The following CELSR1 variants were observed in gnomAD, a reference collection of about 807,000 sequenced individuals.
The protein encoded by CELSR1 is cadherin EGF LAG seven-pass G-type receptor 1, also known as adhesion G protein-coupled receptor C1.
Under a neutral mutation model 249.1 loss-of-function variants are expected in CELSR1, and 110 were observed. The observed-to-expected ratio is 0.44, with a 90% CI of 0.38 to 0.52. CELSR1 has a LOEUF of 0.52. Ranked by LOEUF, CELSR1 falls within the 20% of genes least tolerant of loss-of-function variation. The pLI, the probability that CELSR1 is intolerant of heterozygous loss-of-function variation, is 0.00. For missense variants in CELSR1, 4,109 were observed against 4,296.4 expected (o/e 0.96, Z 1.22); for synonymous variants, 2,113 against 1,900.0 (o/e 1.11, Z -2.92).
intron 5 of CELSR1, among the ~76,000 whole-genome samples, chr22:46,418,983 A>G (rs1167824311): frequency 6.6e-6 from 1 of 152,186 alleles, no homozygotes; most frequent in Non-Finnish European, 1.5e-5. Context: ...CACTGGACGG[A>G]GATAAGCTCC....
intron 2 of CELSR1, among the ~76,000 whole-genome samples, chr22:46,461,414 T>C (rs779339476): frequency 1.2e-4 from 19 of 152,168 alleles, no homozygotes; most frequent in Non-Finnish European, 2.2e-4. Flanking sequence ...GGGTCAATCA[T>C]CTTCAGAGGG....
intron 29 of CELSR1, 60 bp from the exon 30 acceptor site, chr22:46,366,540 G>T (rs1432596040): frequency 2.3e-6 from 3 of 1,328,924 alleles, no homozygotes; most frequent in African/African-American, 2.9e-5. Context: ...ACCACCACGG[G>T]GAATGACTCT....
chr22:46,494,035 A>G (rs1322733891), intron 1 of CELSR1, among the ~76,000 whole-genome samples: 1 of 152,222 alleles, frequency 6.6e-6, no homozygotes, highest in Non-Finnish European at 1.5e-5. Flanking sequence ...AATGAAACAG[A>G]TTCAGAAAAA....
At position 46,398,664 on chromosome 22, in the gene CELSR1, T is replaced by C. The variant is rs192389975; in HGVS notation, c.5413-27A>G. 2.4e-5 allele frequency: 38 copies of C among 1,564,114 alleles called. No homozygotes were observed. The highest frequency in any genetic ancestry group is 2.4e-4 in the South Asian group (21 of 87,002). On this transcript the variant is annotated intron_variant, in intron 10 of 34. Transcript: ENST00000674500. This position sits in a 1 kb window ranked among gnomAD's most constrained non-coding sequence, Gnocchi z 7.2. Reference sequence around the variant, plus strand: ...TGTGCGGAGAGAGGGGCCGGGGATCTGGGGGCTGCATCCACCATCCTAGAA... The same window carrying C: ...TGTGCGGAGAGAGGGGCCGGGGATCCGGGGGCTGCATCCACCATCCTAGAA...
In CELSR1 at chr22:46,488,084, A is replaced by G. The variant is rs924998010; in HGVS notation, c.3545-23739T>C. ...GGGGCGTGAGGGAGGGGTGTCAAGT[A>G]CCAGTGGAGGCACGGGGAGGGGTCC... On this transcript the variant is annotated intron_variant, in intron 1 of 34. Transcript: ENST00000674500. This position sits in a 1 kb window ranked among gnomAD's most constrained non-coding sequence, Gnocchi z 4.7. 6.6e-6 allele frequency among the ~76,000 whole-genome samples: 1 copy of G among 151,012 alleles called. No homozygotes were observed. Among genetic ancestry groups the G allele is most frequent in the Non-Finnish European group, 1.5e-5 (1 of 67,690 alleles).
chr22:46,537,203 A>G lies in CELSR1; in HGVS notation c.-33T>C. The G allele has an allele frequency of 9.8e-7, 1 of 1,015,398 alleles. No homozygotes were observed. The allele number at this position is 1,015,398 out of a possible 1,614,324, so 62.9% of individuals were successfully genotyped here. On this transcript the variant is annotated 5_prime_UTR_variant, in exon 1 of 35. Transcript: ENST00000674500. This position sits in a 1 kb window ranked among gnomAD's most constrained non-coding sequence, Gnocchi z 5.8. ...AGCCCGAGCCCGAGCCGGGCGCCCG[A>G]ACACAATCCATGCACCCGGCGCGCC... is the stretch of plus-strand genomic sequence containing the variant.
chr22:46,394,569 C>T (rs1344802334), intron 13 of CELSR1, among the ~76,000 whole-genome samples: 1 of 152,248 alleles, frequency 6.6e-6, no homozygotes, highest in Non-Finnish European at 1.5e-5. Context: ...GCAAGGCTGG[C>T]CTTTCACGAT....
At chr22:46,386,775 C>T (rs767780042) in intron 18 of CELSR1, among the ~76,000 whole-genome samples, 190 bp from the exon 19 acceptor site, 2 of 151,838 alleles carry the variant, frequency 1.3e-5, no homozygotes, top group Non-Finnish European at 2.9e-5. Flanking sequence ...TTTTTTGAGA[C>T]ACACTTCCGC....
intron 27 of CELSR1, among the ~76,000 whole-genome samples, chr22:46,368,583 C>G (rs2078814377): frequency 6.6e-6 from 1 of 151,596 alleles, no homozygotes; most frequent in Non-Finnish European, 1.5e-5. Context: ...ATCTCAGCTA[C>G]CAGGTCACCA....
At chr22:46,474,617 TATACA>T (rs1172274722) in intron 1 of CELSR1, among the ~76,000 whole-genome samples, 2 of 152,128 alleles carry the variant, frequency 1.3e-5, no homozygotes, top group African/African-American at 2.4e-5. Flanking sequence ...TATTTTGAAA[TATACA>T]ATACAATATT....
Position 46,535,272 on chromosome 22 carries a change from G to C in CELSR1, c.1899C>G (p.His633Gln), listed in dbSNP as rs771699386. The change falls in exon 1 of 35, where the codon CAC (histidine) becomes CAG (glutamine). Residue 633 changes from histidine (H) to glutamine (Q), a missense_variant. This residue lies in a region of CELSR1 where 886 missense variants were observed against 896.5 expected (regional missense o/e 0.99). Coordinates refer to ENST00000674500, the MANE Select transcript of CELSR1 (RefSeq NM_001378328.1). ...APTPDFPFQI[H>Q]NSSGWITVCA... Reference sequence around the variant, plus strand: ...ACACTGTGATCCAACCGGAGCTGTTGTGGATCTGGAAGGGGAAGTCAGGGG... The same window carrying C: ...ACACTGTGATCCAACCGGAGCTGTTCTGGATCTGGAAGGGGAAGTCAGGGG... The C allele has an allele frequency of 1.9e-6, 3 of 1,610,500 alleles. No homozygotes were observed. The highest frequency in any genetic ancestry group is 2.5e-6 in the Non-Finnish European group (3 of 1,180,012).
rs2078715160 is a variant in CELSR1 at position 46,362,442 on chromosome 22, G to C, written c.*781C>G. The C allele has an allele frequency of 6.6e-6, 1 of 152,572 alleles. No homozygotes were observed. Among genetic ancestry groups the C allele is most frequent in the South Asian group, 2.1e-4 (1 of 4,834 alleles). The allele number at this position is 152,572 out of a possible 1,614,324, so 9.5% of individuals were successfully genotyped here. On this transcript the variant is annotated 3_prime_UTR_variant, in exon 35 of 35. Transcript: ENST00000674500. ...TGGGGACCCAGGGGGCCGGCGGGGA[G>C]GGCCCACACCATCCTCACTTCCTGG... is the stretch of plus-strand genomic sequence containing the variant.
Position 46,408,310 on chromosome 22 carries a change from C to T in CELSR1, c.5226+686G>A, listed in dbSNP as rs552640770. On this transcript the variant is annotated intron_variant, in intron 9 of 34. Coordinates refer to ENST00000674500, the MANE Select transcript of CELSR1 (RefSeq NM_001378328.1). This position sits in a 1 kb window ranked among gnomAD's most constrained non-coding sequence, Gnocchi z 4.6. ...ATCTCAAGCTCCCAGAGAAAGTGGA[C>T]GTGCATTGGTGCCAACCACCACCTG... is the stretch of plus-strand genomic sequence containing the variant. Among the ~76,000 whole-genome samples, 10 of 152,294 alleles carry T rather than the reference C, an allele frequency of 6.6e-5. No homozygotes were observed. The highest frequency in any genetic ancestry group is 1.9e-4 in the African/African-American group (8 of 41,572).
chr22:46,368,968 C>T (rs1434816329), intron 27 of CELSR1, among the ~76,000 whole-genome samples: 1 of 151,048 alleles, frequency 6.6e-6, no homozygotes, highest in Non-Finnish European at 1.5e-5. Context: ...CAGCTAACCT[C>T]CTCCAGCCCC....
chr22:46,390,176 G>A lies in CELSR1; in HGVS notation c.6345+216C>T, dbSNP rs374618182. On this transcript the variant is annotated intron_variant, in intron 17 of 34. Transcript: ENST00000674500. This position sits in a 1 kb window ranked among gnomAD's most constrained non-coding sequence, Gnocchi z 6.3. ...ACACAGAGCTGGGTCCTCTGGGGGA[G>A]AGAAGTCCACGTGGGGGTGCCTGGC... Among the ~76,000 whole-genome samples, 2,266 of 152,278 alleles carry A rather than the reference G, an allele frequency of 0.015. 54 individuals carry two copies. The highest frequency in any genetic ancestry group is 0.051 in the African/African-American group (2,132 of 41,552).
At chr22:46,460,178 A>AACACACACACACACAC (rs544352270) in intron 2 of CELSR1, among the ~76,000 whole-genome samples, 4 of 102,944 alleles carry the variant, frequency 3.9e-5, no homozygotes, top group Non-Finnish European at 8.2e-5. Flanking sequence ...TCAGTCTCAA[A>AACACACACACACACAC]ACACACACAC....
chr22:46,367,046 C>G lies in CELSR1; in HGVS notation c.8152G>C (p.Gly2718Arg). 6.2e-7 allele frequency: 1 copy of G among 1,611,116 alleles called. No individual in the cohort carries two copies. Among genetic ancestry groups the G allele is most frequent in the South Asian group, 1.1e-5 (1 of 90,754 alleles). Residue 2718 changes from glycine to arginine, a missense_variant, in exon 29 of 35, where the codon GGG becomes CGG. Gly to Arg is a moderately radical substitution (Grantham distance 125). Around this residue, in one of 7 missense-constraint regions of CELSR1, gnomAD observed 1,805 missense variants for 1,831.6 expected, o/e 0.99. Transcript: ENST00000674500. The stretch of plus-strand genomic sequence containing the variant: ...GAGTCCTCCAGGTGCAGCTTCCTCC[C>G]GCCGAGCACGCCCTTCAGGTGCTTC... ...VRKHLKGVLG[G>R]RKLHLEDSAT...
At chr22:46,478,500 C>T (rs891742429) in intron 1 of CELSR1, among the ~76,000 whole-genome samples, 10 of 152,016 alleles carry the variant, frequency 6.6e-5, no homozygotes, top group Admixed American at 2.6e-4. Flanking sequence ...GACGTGTCCA[C>T]GAGCCACTGC....
chr22:46,438,333 C>T (rs557092344), intron 3 of CELSR1, among the ~76,000 whole-genome samples: 2 of 152,246 alleles, frequency 1.3e-5, no homozygotes, highest in East Asian at 3.9e-4. Flanking sequence ...TGAAAGCACC[C>T]ACCTGAAACA....
Sources: gnomAD v4.1 joint callset for allele counts (sites outside exome capture counted in the v4.1 genomes callset) on GRCh38, gnomAD v4.1.1 for gene constraint, gnomAD v4.1.1 regional missense constraint, Gnocchi (gnomAD v3.1) non-coding constraint, MANE v1.5 for transcripts, NCBI Gene and HGNC (gene_info 2026-07-23, HGNC 2026-07-21) for gene names.